Variants in RAB33B observed in about 807,000 individuals in gnomAD.
RAB33B encodes the protein ras-related protein Rab-33B.
RAB33B carries 6 observed loss-of-function variants against 15.0 expected under a neutral mutation model. The observed-to-expected ratio is 0.40, with a 90% CI of 0.22 to 0.79. The LOEUF (loss-of-function observed/expected upper bound fraction) is 0.79, where lower values mean the gene tolerates loss of function less well. RAB33B is among the 30% of genes least tolerant of loss of function. The pLI is 0.37. For missense variants in RAB33B, 257 were observed against 296.4 expected (o/e 0.87, Z 0.98); for synonymous variants, 117 against 108.3 (o/e 1.08, Z -0.50).
At chr4:139,470,826 G>T (rs573962593) in intron 1 of RAB33B, among the ~76,000 whole-genome samples, 2 of 151,882 alleles carry the variant, frequency 1.3e-5, no homozygotes, top group African/African-American at 4.8e-5. Context: ...TAGAAATGTC[G>T]TCTAGGAGGT....
intron 1 of RAB33B, among the ~76,000 whole-genome samples, chr4:139,467,851 C>T (rs1750318860): frequency 7.0e-6 from 1 of 142,790 alleles, no homozygotes; most frequent in Middle Eastern, 3.6e-3. Context: ...GAGCAATGTC[C>T]TGTCTCAAAA....
chr4:139,470,687 C>T lies in RAB33B; in HGVS notation c.250-1999C>T, dbSNP rs571664243. ...GTCTCAGAGGTTCACCCAAGACTGT[C>T]AATGTAGTGCCTGGGTATGCCAGCT... On this transcript the variant is annotated intron_variant, in intron 1 of 1. Coordinates refer to ENST00000305626, the MANE Select transcript of RAB33B (RefSeq NM_031296.3). 3.3e-5 allele frequency among the ~76,000 whole-genome samples: 5 copies of T among 152,298 alleles called. No homozygotes were observed. The South Asian group carries it at 1.0e-3, about 32-fold the overall frequency.
At chr4:139,462,139 C>T (rs1353422091) in intron 1 of RAB33B, among the ~76,000 whole-genome samples, 4 of 150,808 alleles carry the variant, frequency 2.7e-5, no homozygotes, top group African/African-American at 7.3e-5. Context: ...CTGCAAGCTC[C>T]GCCTCCCGGG....
upstream of RAB33B, chr4:139,451,363 C>CTTTTTTTCTTTTTTTTT (rs1749918622): frequency 9.2e-6 from 1 of 108,632 alleles, no homozygotes; most frequent in Non-Finnish European, 1.9e-5. Context: ...ACCACACCCA[C>CTTTTTTTCTTTTTTTTT]TTTTTTTTTT....
Position 139,476,360 on chromosome 4 carries a change from A to G in RAB33B, c.*3234A>G, listed in dbSNP as rs1750502567. On this transcript the variant is annotated 3_prime_UTR_variant, in exon 2 of 2. Coordinates refer to ENST00000305626, the MANE Select transcript of RAB33B (RefSeq NM_031296.3). ...AGGGATGTGGGGGCCTCTGATGTTG[A>G]TTCTGCTTCCCCTGGTCAGTTTATT... is the stretch of plus-strand genomic sequence containing the variant. The G allele has an allele frequency of 6.6e-6, 1 of 152,208 alleles. No individual in the cohort carries two copies. The allele number at this position is 152,208 out of a possible 1,614,324, so 9.4% of individuals were successfully genotyped here.
At position 139,475,280 on chromosome 4, in the gene RAB33B, G is replaced by A. The variant is rs1750480078; in HGVS notation, c.*2154G>A. On this transcript the variant is annotated 3_prime_UTR_variant, in exon 2 of 2. Coordinates refer to ENST00000305626, the MANE Select transcript of RAB33B (RefSeq NM_031296.3). ...CGCTTTTCAAAATATTTTCTAAAGT[G>A]GGGGAAGAAAGTTTATAGACTTTCC... 6.6e-6 allele frequency: 1 copy of A among 151,938 alleles called. No homozygotes were observed. Among genetic ancestry groups the A allele is most frequent in the African/African-American group, 2.4e-5 (1 of 41,404 alleles). 9.4% of individuals were successfully genotyped at this position (151,938 alleles called of 1,614,324 possible).
chr4:139,447,811 C>T, the RAB33B span, among the ~76,000 whole-genome samples: 11 of 150,842 alleles, frequency 7.3e-5, no homozygotes, highest in African/African-American at 1.5e-4. Context: ...GGACTACAGG[C>T]GCCCGCCACT....
At chr4:139,455,370 G>C (rs974675465) in intron 1 of RAB33B, among the ~76,000 whole-genome samples, 24 of 152,108 alleles carry the variant, frequency 1.6e-4, no homozygotes, top group African/African-American at 5.6e-4. Context: ...CTTTAAATCA[G>C]CGATCGTCTT....
chr4:139,473,849 A>G lies in RAB33B; in HGVS notation c.*723A>G, dbSNP rs1750445764. On this transcript the variant is annotated 3_prime_UTR_variant, in exon 2 of 2. Coordinates refer to ENST00000305626, the MANE Select transcript of RAB33B (RefSeq NM_031296.3). ...TTTGATTTTCTAATTAATACTTATC[A>G]GATCTACAAAAATCATTATTATTTT... is the stretch of plus-strand genomic sequence containing the variant. The G allele has an allele frequency of 6.6e-6, 1 of 151,734 alleles. No individual in the cohort carries two copies. Among genetic ancestry groups the G allele is most frequent in the East Asian group, 1.9e-4 (1 of 5,188 alleles). 9.4% of individuals were successfully genotyped at this position (151,734 alleles called of 1,614,324 possible). A position where few individuals can be genotyped will look rare whatever the true frequency, so the allele number is the denominator to read the frequency against.
rs1457518057 is a variant in RAB33B, at chr4:139,475,210, A to G, written c.*2084A>G. On this transcript the variant is annotated 3_prime_UTR_variant, in exon 2 of 2. Transcript: ENST00000305626. The stretch of plus-strand genomic sequence containing the variant: ...TAAAACAATGACAGCTGTAGTAACT[A>G]TGATGGGTGTAACAACATTTTTTTA... 6.6e-5 allele frequency: 10 copies of G among 152,092 alleles called. No individual in the cohort carries two copies. The highest frequency in any genetic ancestry group is 6.5e-4 in the Admixed American group (10 of 15,280). The allele number at this position is 152,092 out of a possible 1,614,324, so 9.4% of individuals were successfully genotyped here. A position where few individuals can be genotyped will look rare whatever the true frequency, so the allele number is the denominator to read the frequency against.
intron 1 of RAB33B, among the ~76,000 whole-genome samples, chr4:139,461,622 AC>A (rs538296530): frequency 8.5e-4 from 129 of 152,310 alleles, no homozygotes; most frequent in African/African-American, 3.0e-3. Flanking sequence ...GGGAAAAAAA[AC>A]AGGCAGTGAA....
Position 139,473,222 on chromosome 4 carries a change from G to T in RAB33B, c.*96G>T, listed in dbSNP as rs1239867331. The T allele has an allele frequency of 1.9e-5, 20 of 1,079,068 alleles. No homozygotes were observed. The highest frequency in any genetic ancestry group is 2.3e-5 in the Non-Finnish European group (18 of 767,166). The allele number at this position is 1,079,068 out of a possible 1,614,324, so 66.8% of individuals were successfully genotyped here. On this transcript the variant is annotated 3_prime_UTR_variant, in exon 2 of 2. Coordinates refer to ENST00000305626, the MANE Select transcript of RAB33B (RefSeq NM_031296.3). ...TAAGATTTAATCTCAACTATAATGG[G>T]TCATCTTGACACTTTGCTGTTTGTC...
intron 1 of RAB33B, among the ~76,000 whole-genome samples, chr4:139,461,362 AGAATCAGGTAGT>A (rs1750167924): frequency 6.6e-6 from 1 of 152,252 alleles, no homozygotes; most frequent in African/African-American, 2.4e-5. Flanking sequence ...CATTCTCTAC[AGAATCAGGTAGT>A]CCACGTTTAA....
chr4:139,455,480 A>T (rs1654720504), intron 1 of RAB33B, among the ~76,000 whole-genome samples: 1 of 152,184 alleles, frequency 6.6e-6, no homozygotes, highest in Non-Finnish European at 1.5e-5. Context: ...TTTATTTTTC[A>T]GTTCCCTAAT....
At position 139,454,259 on chromosome 4, in the gene RAB33B, G is replaced by C; in HGVS notation, c.64G>C (p.Ala22Pro). The change falls in exon 1 of 2, where the codon GCC becomes CCC. Residue 22 changes from alanine (A) to proline (P), a missense_variant. Ala to Pro is a conservative substitution (Grantham distance 27). Coordinates refer to ENST00000305626, the MANE Select transcript of RAB33B (RefSeq NM_031296.3). ...SFSSSGAVSG[A>P]SGFLPPARSR... ...TTCGTCCAGCGGGGCAGTGTCAGGG[G>C]CCTCAGGGTTTTTGCCTCCTGCCCG... 6.2e-7 allele frequency: 1 copy of C among 1,614,150 alleles called. No individual in the cohort carries two copies. Among genetic ancestry groups the C allele is most frequent in the Non-Finnish European group, 8.5e-7 (1 of 1,180,012 alleles).
At chr4:139,466,780 C>G (rs1478954389) in intron 1 of RAB33B, among the ~76,000 whole-genome samples, 1 of 151,530 alleles carries the variant, frequency 6.6e-6, no homozygotes, top group Admixed American at 6.6e-5. Context: ...GGGTTTTGCC[C>G]TGTTGGCCAG....
chr4:139,454,934 A>T (rs987369167), intron 1 of RAB33B, among the ~76,000 whole-genome samples: 1 of 152,226 alleles, frequency 6.6e-6, no homozygotes, highest in African/African-American at 2.4e-5. Context: ...TTGAGGAAGT[A>T]CTTAGGTATT....
At chr4:139,459,330 A>G (rs1344846076) in intron 1 of RAB33B, among the ~76,000 whole-genome samples, 1 of 152,052 alleles carries the variant, frequency 6.6e-6, no homozygotes, top group Non-Finnish European at 1.5e-5. Context: ...CCCGCTGCTC[A>G]GGAGGTAAGG....
chr4:139,464,151 C>G (rs936353796), intron 1 of RAB33B, among the ~76,000 whole-genome samples: 1 of 152,090 alleles, frequency 6.6e-6, no homozygotes, highest in Non-Finnish European at 1.5e-5. Flanking sequence ...TCTGGTGACA[C>G]GCGCCTGTGG....
Sources: allele counts gnomAD v4.1 joint callset (sites outside exome capture counted in the v4.1 genomes callset), GRCh38; gene constraint gnomAD v4.1.1; transcripts MANE v1.5; gene names NCBI Gene and HGNC (gene_info 2026-07-23, HGNC 2026-07-21).